SPOCK1: variants seen among roughly 807,000 people sequenced by gnomAD.
The protein encoded by SPOCK1 is SPARC (osteonectin), cwcv and kazal like domains proteoglycan 1.
In SPOCK1, 23 loss-of-function variants were observed where a neutral mutation model predicts 55.3. The observed-to-expected ratio is 0.42, with a 90% confidence interval of 0.30 to 0.59. The LOEUF (loss-of-function observed/expected upper bound fraction) is 0.59. Ranked by LOEUF, SPOCK1 falls within the 20% of genes least tolerant of loss-of-function variation. The pLI, the probability that SPOCK1 is intolerant of heterozygous loss-of-function variation, is 0.22. For missense variants in SPOCK1, 499 were observed against 552.5 expected, an observed-to-expected ratio of 0.90 and a Z score of 0.97; for synonymous variants, 226 against 221.0, an observed-to-expected ratio of 1.02 and a Z score of -0.20.
chr5:137,295,409 A>G (rs552617679), intron 2 of SPOCK1, among the ~76,000 whole-genome samples: 1 of 152,360 alleles, frequency 6.6e-6, no homozygotes, highest in African/African-American at 2.4e-5. Context: ...CACAGAGCTA[A>G]TATTCCCTGG....
intron 3 of SPOCK1, among the ~76,000 whole-genome samples, chr5:137,173,042 G>GC (rs1038313971): frequency 4.6e-5 from 7 of 152,006 alleles, no homozygotes; most frequent in Non-Finnish European, 1.0e-4. Context: ...CTTTCTTCTT[G>GC]CCCCCAATCT....
intron 2 of SPOCK1, among the ~76,000 whole-genome samples, chr5:137,342,470 G>A (rs376112009): frequency 3.3e-5 from 5 of 152,176 alleles, no homozygotes; most frequent in Non-Finnish European, 5.9e-5. Flanking sequence ...TGCTGTGTCC[G>A]TGGAGGGTGG....
At chr5:137,180,075 C>T (rs1252511809) in intron 3 of SPOCK1, among the ~76,000 whole-genome samples, 1 of 152,146 alleles carries the variant, frequency 6.6e-6, no homozygotes, top group African/African-American at 2.4e-5. Context: ...TAAGGTCACA[C>T]AGCCATTGAG....
chr5:137,205,366 C>G (rs1755500516), intron 3 of SPOCK1, among the ~76,000 whole-genome samples: 1 of 152,172 alleles, frequency 6.6e-6, no homozygotes, highest in Non-Finnish European at 1.5e-5. Context: ...AGCTGTGTGC[C>G]CTGTGGGTAG....
intron 4 of SPOCK1, among the ~76,000 whole-genome samples, chr5:137,121,301 T>G (rs1194456707): frequency 2.6e-5 from 4 of 152,138 alleles, no homozygotes; most frequent in African/African-American, 9.7e-5. Flanking sequence ...ATTCTTATTT[T>G]GAGACATTAA....
intron 6 of SPOCK1, among the ~76,000 whole-genome samples, chr5:137,008,958 T>TGA (rs571139232): frequency 2.4e-4 from 37 of 152,136 alleles, no homozygotes; most frequent in Admixed American, 1.8e-3. Flanking sequence ...ATCAGAAGAA[T>TGA]GATACACACA....
intron 5 of SPOCK1, among the ~76,000 whole-genome samples, chr5:137,085,894 T>C (rs540847329): frequency 9.7e-4 from 147 of 152,292 alleles, no homozygotes; most frequent in African/African-American, 3.4e-3. Context: ...CCAATAGTGT[T>C]ATTCCAGGCT....
chr5:137,353,482 AGCCTCTGCT>A (rs1157373698), intron 2 of SPOCK1, among the ~76,000 whole-genome samples: 2 of 152,132 alleles, frequency 1.3e-5, no homozygotes, highest in Admixed American at 6.5e-5. Flanking sequence ...CCAATCACAA[AGCCTCTGCT>A]GACCCCACAC....
chr5:137,342,819 C>T (rs1750461850), intron 2 of SPOCK1, among the ~76,000 whole-genome samples: 3 of 152,204 alleles, frequency 2.0e-5, no homozygotes, highest in Non-Finnish European at 4.4e-5. Flanking sequence ...TTCTGGTCTC[C>T]AAGTTCGGTG....
At chr5:137,063,517 G>C (rs1387041414) in intron 6 of SPOCK1, among the ~76,000 whole-genome samples, 1 of 152,174 alleles carries the variant, frequency 6.6e-6, no homozygotes, top group African/African-American at 2.4e-5. Flanking sequence ...CAGAGAAGCA[G>C]AGCACACTAG....
intron 3 of SPOCK1, among the ~76,000 whole-genome samples, chr5:137,237,284 G>A (rs947463608): frequency 2.0e-5 from 3 of 152,176 alleles, no homozygotes; most frequent in African/African-American, 7.2e-5. Context: ...TTCAGTGAAT[G>A]GAAGAGTGGC....
At chr5:137,424,696 T>C (rs1482930297) in intron 2 of SPOCK1, among the ~76,000 whole-genome samples, 2 of 152,090 alleles carry the variant, frequency 1.3e-5, no homozygotes, top group Admixed American at 6.6e-5. Flanking sequence ...CACAAGAACA[T>C]GGACAAATCT....
At chr5:137,045,264 T>C (rs1267461697) in intron 6 of SPOCK1, among the ~76,000 whole-genome samples, 3 of 99,496 alleles carry the variant, frequency 3.0e-5, no homozygotes, top group African/African-American at 4.0e-5. Flanking sequence ...CCACCAACAG[T>C]GTAAAAGTGT....
At chr5:137,409,954 T>C (rs4566784) in intron 2 of SPOCK1, among the ~76,000 whole-genome samples, 151,543 of 152,356 alleles carry the variant, frequency 0.99, 75,374 homozygotes, top group East Asian at 1. Flanking sequence ...CAGGGCTGAG[T>C]ACTGTGGTGG....
intron 2 of SPOCK1, among the ~76,000 whole-genome samples, chr5:137,286,344 T>C (rs1229134576): frequency 6.6e-6 from 1 of 152,224 alleles, no homozygotes; most frequent in Non-Finnish European, 1.5e-5. Context: ...AGGGAACTAA[T>C]GTTTCTTGAA....
chr5:137,156,005 A>T (rs1422435286), intron 3 of SPOCK1, among the ~76,000 whole-genome samples: 1 of 152,206 alleles, frequency 6.6e-6, no homozygotes, highest in Non-Finnish European at 1.5e-5. Context: ...GCAAGTTGAA[A>T]ACTTTTCAGA....
At chr5:137,231,243 C>T (rs1294597817) in intron 3 of SPOCK1, among the ~76,000 whole-genome samples, 2 of 152,146 alleles carry the variant, frequency 1.3e-5, no homozygotes, top group African/African-American at 4.8e-5. Flanking sequence ...CAGGGTTTCA[C>T]CATGTTGGCC....
At chr5:137,042,501 T>C (rs887495059) in intron 6 of SPOCK1, among the ~76,000 whole-genome samples, 1 of 152,168 alleles carries the variant, frequency 6.6e-6, no homozygotes, top group Non-Finnish European at 1.5e-5. Flanking sequence ...TAGGATGTAA[T>C]GCAGAATGTG....
intron 3 of SPOCK1, among the ~76,000 whole-genome samples, chr5:137,173,393 C>T (rs567318270): frequency 5.7e-4 from 87 of 152,194 alleles, no homozygotes; most frequent in African/African-American, 2.0e-3. Flanking sequence ...TTTTTCTTAA[C>T]CAGAGTTGGC....
Sources: gnomAD v4.1 joint callset for allele counts (sites outside exome capture counted in the v4.1 genomes callset) on GRCh38, gnomAD v4.1.1 for gene constraint, MANE v1.5 for transcripts, NCBI Gene and HGNC (gene_info 2026-07-23, HGNC 2026-07-21) for gene names.